Variants in EXOC4 observed in about 807,000 individuals in gnomAD.
EXOC4 encodes SEC8-like 1.
In EXOC4, 71 loss-of-function variants were observed where a neutral mutation model predicts 107.2. That is an observed-to-expected ratio of 0.66 (90% CI 0.55 to 0.81). The LOEUF (loss-of-function observed/expected upper bound fraction) is 0.81. EXOC4 is among the 30% of genes least tolerant of loss of function. EXOC4 has a pLI of 0.00. For missense variants in EXOC4, 1,108 were observed against 1,189.6 expected (o/e 0.93, Z 1.01); for synonymous variants, 456 against 441.2 (o/e 1.03, Z -0.42).
At chr7:134,086,172 T>C in the EXOC4 span, among the ~76,000 whole-genome samples, 1 of 152,178 alleles carries the variant, frequency 6.6e-6, no homozygotes, top group South Asian at 2.1e-4. Flanking sequence ...ACAGAATTTG[T>C]CGAGGAAAGT....
chr7:133,315,001 C>G (rs942537188), intron 4 of EXOC4: 4 of 152,360 alleles, frequency 2.6e-5, no homozygotes, highest in African/African-American at 9.7e-5. Context: ...TGTATTACAT[C>G]CATAGATGAA....
chr7:133,822,405 T>C (rs1381682159), intron 11 of EXOC4, among the ~76,000 whole-genome samples: 1 of 150,372 alleles, frequency 6.7e-6, no homozygotes, highest in Non-Finnish European at 1.5e-5. Context: ...AGGGGACTAA[T>C]GCTTAAGGTT....
At chr7:133,273,481 G>A (rs1336967792) in intron 1 of EXOC4, among the ~76,000 whole-genome samples, 3 of 152,122 alleles carry the variant, frequency 2.0e-5, no homozygotes, top group Non-Finnish European at 4.4e-5. Context: ...AGCATCCCAC[G>A]CTGTCCTGAG....
intron 9 of EXOC4, among the ~76,000 whole-genome samples, chr7:133,598,099 G>C (rs935870766): frequency 6.6e-6 from 1 of 152,050 alleles, no homozygotes; most frequent in Admixed American, 6.6e-5. Flanking sequence ...GCTTATACCA[G>C]CTATCATGTC....
At chr7:133,552,362 T>C (rs1800607089) in intron 9 of EXOC4, among the ~76,000 whole-genome samples, 1 of 152,294 alleles carries the variant, frequency 6.6e-6, no homozygotes, top group East Asian at 1.9e-4. Context: ...CAGAAATCAT[T>C]GAAGATGTCT....
intron 6 of EXOC4, among the ~76,000 whole-genome samples, chr7:133,367,128 T>C (rs1367442369): frequency 2.0e-5 from 3 of 152,204 alleles, no homozygotes; most frequent in South Asian, 4.1e-4. Flanking sequence ...TTAAGTCATA[T>C]TAAGTTAGCG....
chr7:133,496,365 C>G (rs557020108), intron 9 of EXOC4, among the ~76,000 whole-genome samples: 5 of 152,090 alleles, frequency 3.3e-5, no homozygotes, highest in Non-Finnish European at 7.4e-5. Flanking sequence ...CAAGGTCTCA[C>G]TTTTTTGCTG....
chr7:133,674,957 C>G lies in EXOC4; in HGVS notation c.1514+44816C>G, dbSNP rs148828197. Among the ~76,000 whole-genome samples the G allele has an allele frequency of 3.2e-4, 48 of 152,222 alleles. 1 individual carries two copies. The highest frequency in any genetic ancestry group is 1.2e-3 in the African/African-American group (48 of 41,540). Reference sequence around the variant, plus strand: ...TGTGCTCACTACTAGCATCTGAATTCAGTGAGACTCAGGGAGGGAAAAGAC... The same window carrying G: ...TGTGCTCACTACTAGCATCTGAATTGAGTGAGACTCAGGGAGGGAAAAGAC... On this transcript the variant is annotated intron_variant, in intron 10 of 17. Transcript: ENST00000253861.
intron 5 of EXOC4, among the ~76,000 whole-genome samples, chr7:133,335,749 G>T (rs1795497954): frequency 6.6e-6 from 1 of 152,070 alleles, no homozygotes; most frequent in Admixed American, 6.5e-5. Flanking sequence ...ATTTTCTGGG[G>T]ATCTGCCATG....
intron 7 of EXOC4, among the ~76,000 whole-genome samples, chr7:133,395,967 G>A (rs549911011): frequency 3.3e-5 from 5 of 152,042 alleles, no homozygotes; most frequent in Admixed American, 2.0e-4. Context: ...TACAGGAGAG[G>A]TTCATTCCTT....
intron 10 of EXOC4, among the ~76,000 whole-genome samples, chr7:133,723,782 T>C (rs1010589545): frequency 2.6e-5 from 4 of 152,098 alleles, no homozygotes; most frequent in African/African-American, 9.7e-5. Context: ...TGAGTCACCA[T>C]GCCCAACTTA....
chr7:133,947,325 A>G (rs1334930041), intron 14 of EXOC4, among the ~76,000 whole-genome samples: 1 of 151,972 alleles, frequency 6.6e-6, no homozygotes, highest in Non-Finnish European at 1.5e-5. Flanking sequence ...TTTTATCTCA[A>G]GTTGTGTGGT....
At chr7:133,680,244 A>G (rs1481735315) in intron 10 of EXOC4, among the ~76,000 whole-genome samples, 1 of 152,226 alleles carries the variant, frequency 6.6e-6, no homozygotes, top group African/African-American at 2.4e-5. Context: ...CAACTCAGGC[A>G]TATGGGCCTT....
chr7:133,910,645 G>T (rs1799672547), intron 12 of EXOC4, among the ~76,000 whole-genome samples: 1 of 152,074 alleles, frequency 6.6e-6, no homozygotes, highest in African/African-American at 2.4e-5. Flanking sequence ...TATTATCTTT[G>T]CATCCCTAAT....
the EXOC4 span, among the ~76,000 whole-genome samples, chr7:134,074,499 TG>T: frequency 6.6e-6 from 1 of 152,216 alleles, no homozygotes; most frequent in South Asian, 2.1e-4. Flanking sequence ...TAACACCTGT[TG>T]TGGATTCATA....
intron 9 of EXOC4, among the ~76,000 whole-genome samples, chr7:133,594,753 G>A (rs59057820): frequency 0.13 from 19,405 of 151,942 alleles, 1,352 homozygotes; most frequent in East Asian, 0.23. Flanking sequence ...CGGCCTCCCA[G>A]AGTGCTGGGA....
At chr7:133,635,811 C>G (rs145908049) in intron 10 of EXOC4, among the ~76,000 whole-genome samples, 104 of 152,308 alleles carry the variant, frequency 6.8e-4, no homozygotes, top group East Asian at 4.8e-3. Context: ...TCCCTGTGCA[C>G]TGGGACAGAG....
chr7:133,316,789 T>A (rs1795000671), intron 4 of EXOC4, among the ~76,000 whole-genome samples: 2 of 152,176 alleles, frequency 1.3e-5, no homozygotes, highest in African/African-American at 4.8e-5. Context: ...GAGTCTCTTT[T>A]AAAGAAAACT....
the EXOC4 span, among the ~76,000 whole-genome samples, chr7:134,084,727 A>AAAAAAAAAAG: frequency 6.9e-5 from 10 of 145,180 alleles, no homozygotes; most frequent in East Asian, 4.0e-4. Flanking sequence ...AAAAAAAAAA[A>AAAAAAAAAAG]AAATTCACCA....
Sources: gnomAD v4.1 joint callset for allele counts (sites outside exome capture counted in the v4.1 genomes callset) on GRCh38, gnomAD v4.1.1 for gene constraint, MANE v1.5 for transcripts, NCBI Gene and HGNC (gene_info 2026-07-23, HGNC 2026-07-21) for gene names.